Variants in LMNTD1 observed in about 807,000 individuals in gnomAD.
LMNTD1 encodes the protein lamin tail domain-containing protein 1.
LMNTD1 carries 35 observed loss-of-function variants against 50.9 expected under a neutral mutation model. The ratio of observed to expected loss-of-function variants is 0.69; its 90% CI spans 0.53 to 0.91. LMNTD1 has a LOEUF of 0.91. Ranked by LOEUF, LMNTD1 falls within the 40% of genes least tolerant of loss-of-function variation. The pLI is 0.00. For missense variants in LMNTD1, 470 were observed against 475.5 expected (o/e 0.99, Z 0.11); for synonymous variants, 153 against 161.9 (o/e 0.94, Z 0.42).
intron 4 of LMNTD1, among the ~76,000 whole-genome samples, chr12:25,544,473 C>A (rs1386269556): frequency 6.6e-6 from 1 of 151,684 alleles, no homozygotes; most frequent in Non-Finnish European, 1.5e-5. Context: ...TGGGTTTCTT[C>A]TAGGCAGCAT....
At chr12:25,549,588 T>A in intron 2 of LMNTD1, 42 bp from the exon 3 acceptor site, 2 of 1,164,996 alleles carry the variant, frequency 1.7e-6, no homozygotes, top group South Asian at 1.8e-5. Context: ...AATAAGAAAG[T>A]AAAAGTGGCT....
At chr12:25,479,680 C>T (rs1162417350) in intron 9 of LMNTD1, among the ~76,000 whole-genome samples, 1 of 152,180 alleles carries the variant, frequency 6.6e-6, no homozygotes, top group Non-Finnish European at 1.5e-5. Context: ...TCCAATGAGT[C>T]CACAGATGGT....
intron 4 of LMNTD1, among the ~76,000 whole-genome samples, chr12:25,527,664 A>ATATATATATATAT (rs1941854166): frequency 7.8e-5 from 2 of 25,492 alleles, no homozygotes; most frequent in African/African-American, 2.2e-4. Flanking sequence ...ATATATATAT[A>ATATATATATATAT]TATATATATA....
chr12:25,549,827 T>C (rs1943651335), intron 2 of LMNTD1, among the ~76,000 whole-genome samples: 1 of 152,140 alleles, frequency 6.6e-6, no homozygotes, highest in Non-Finnish European at 1.5e-5. Context: ...TACTAATCAT[T>C]ACAATGCCAC....
chr12:25,527,677 TATATACACAC>T (rs1372102116), intron 4 of LMNTD1, among the ~76,000 whole-genome samples: 17 of 19,570 alleles, frequency 8.7e-4, no homozygotes, highest in South Asian at 2.4e-3. Context: ...TATATATATA[TATATACACAC>T]ACACACACAC....
At chr12:25,559,884 G>A (rs1944221635) in intron 1 of LMNTD1, among the ~76,000 whole-genome samples, 1 of 152,112 alleles carries the variant, frequency 6.6e-6, no homozygotes, top group Non-Finnish European at 1.5e-5. Context: ...CCCACTTTTT[G>A]ATGGGGTTGA....
At chr12:25,489,348 C>G (rs982321676) in intron 9 of LMNTD1, among the ~76,000 whole-genome samples, 1 of 151,300 alleles carries the variant, frequency 6.6e-6, no homozygotes, top group African/African-American at 2.4e-5. Context: ...TTTTTTAAGC[C>G]GGTCTGAAAA....
chr12:25,498,800 G>A (rs1008410685), intron 9 of LMNTD1, among the ~76,000 whole-genome samples: 5 of 152,078 alleles, frequency 3.3e-5, no homozygotes, highest in Non-Finnish European at 5.9e-5. Flanking sequence ...TTGCTTGCTT[G>A]CTGCTGGCTT....
intron 5 of LMNTD1, 152 bp from the exon 6 acceptor site, chr12:25,526,370 C>T (rs1458988356): frequency 2.9e-6 from 2 of 693,652 alleles, no homozygotes; most frequent in African/African-American, 1.9e-5. Flanking sequence ...CAACACCAAA[C>T]AGCTACTCTA....
intron 1 of LMNTD1, among the ~76,000 whole-genome samples, chr12:25,597,542 C>T (rs1945870376): frequency 6.6e-6 from 1 of 152,062 alleles, no homozygotes; most frequent in African/African-American, 2.4e-5. Flanking sequence ...GACTCCAATA[C>T]AATAATAGCT....
rs969363812 is a variant in LMNTD1, at chr12:25,479,268, C to T, written c.*23-2808G>A. 7.2e-5 allele frequency among the ~76,000 whole-genome samples: 11 copies of T among 152,208 alleles called. No homozygotes were observed. The East Asian group carries it at 7.7e-4, about 11-fold the overall frequency. On this transcript the variant is annotated intron_variant, in intron 9 of 9. Coordinates refer to ENST00000458174, the MANE Select transcript of LMNTD1 (RefSeq NM_001145728.2). ...AACTAAGACCTCTAGACTAGCAGAA[C>T]GTATTGTCGTGGGAATAGGAATCAA...
intron 1 of LMNTD1, among the ~76,000 whole-genome samples, chr12:25,590,817 C>G (rs776576923): frequency 6.6e-6 from 1 of 152,050 alleles, no homozygotes; most frequent in African/African-American, 2.4e-5. Flanking sequence ...AAGGGAGGAC[C>G]CTGGACGAGA....
At chr12:25,578,806 C>G (rs1945146281) in intron 1 of LMNTD1, among the ~76,000 whole-genome samples, 1 of 152,168 alleles carries the variant, frequency 6.6e-6, no homozygotes, top group Admixed American at 6.6e-5. Flanking sequence ...ACCTGTAAAG[C>G]AGTCAAAATC....
intron 1 of LMNTD1, among the ~76,000 whole-genome samples, chr12:25,581,364 A>G (rs1945279431): frequency 6.6e-6 from 1 of 152,224 alleles, no homozygotes; most frequent in African/African-American, 2.4e-5. Flanking sequence ...AGGAGCAACA[A>G]GGTAATGTAG....
chr12:25,620,883 C>A (rs148908291), intron 1 of LMNTD1, among the ~76,000 whole-genome samples: 1 of 152,156 alleles, frequency 6.6e-6, no homozygotes, highest in Admixed American at 6.5e-5. Flanking sequence ...CTATCATAAT[C>A]CCCACCAACA....
chr12:25,594,651 CAAAAAAAAA>C (rs61299586), intron 1 of LMNTD1, among the ~76,000 whole-genome samples: 4 of 69,904 alleles, frequency 5.7e-5, no homozygotes, highest in African/African-American at 1.7e-4. Flanking sequence ...AACAGAAATA[CAAAAAAAAA>C]AAAAAAAAAA....
chr12:25,515,363 C>A (rs1940678114), intron 8 of LMNTD1, among the ~76,000 whole-genome samples: 2 of 151,694 alleles, frequency 1.3e-5, no homozygotes, highest in African/African-American at 2.4e-5. Flanking sequence ...TAGTTAAATC[C>A]CCCAAATTAC....
chr12:25,644,929 T>C (rs1947034458), intron 1 of LMNTD1, among the ~76,000 whole-genome samples: 1 of 152,224 alleles, frequency 6.6e-6, no homozygotes, highest in Non-Finnish European at 1.5e-5. Context: ...AGATTTCTTT[T>C]TCAATGAAGT....
At chr12:25,590,537 G>A (rs1945665415) in intron 1 of LMNTD1, among the ~76,000 whole-genome samples, 1 of 152,290 alleles carries the variant, frequency 6.6e-6, no homozygotes, top group South Asian at 2.1e-4. Flanking sequence ...AGTGGACTAG[G>A]GGGTCATGTG....
Sources: allele counts gnomAD v4.1 joint callset (sites outside exome capture counted in the v4.1 genomes callset), GRCh38; gene constraint gnomAD v4.1.1; transcripts MANE v1.5; gene names NCBI Gene and HGNC (gene_info 2026-07-23, HGNC 2026-07-21).